ARHGAP44: variants seen among roughly 807,000 people sequenced by gnomAD.
The protein encoded by ARHGAP44 is rho GTPase-activating protein 44.
Under a neutral mutation model 106.8 loss-of-function variants are expected in ARHGAP44, and 43 were observed. The observed-to-expected ratio is 0.40, with a 90% CI of 0.32 to 0.52. ARHGAP44 has a LOEUF of 0.52. ARHGAP44 is among the 20% of genes least tolerant of loss of function. The pLI, the probability that ARHGAP44 is intolerant of heterozygous loss-of-function variation, is 0.48. For missense variants in ARHGAP44, 866 were observed against 1,050.5 expected (o/e 0.82, Z 2.43); for synonymous variants, 439 against 410.3 (o/e 1.07, Z -0.85).
intron 19 of ARHGAP44, 75 bp downstream of exon 19, chr17:12,980,308 C>T: frequency 6.8e-7 from 1 of 1,462,810 alleles, no homozygotes; most frequent in East Asian, 2.4e-5. Flanking sequence ...TCGTTTTCCT[C>T]TATGAACTTG....
In ARHGAP44 at chr17:12,896,417, G is replaced by T; in HGVS notation, c.104G>T (p.Arg35Leu). Residue 35 changes from arginine (R) to leucine (L), a missense_variant, in exon 3 of 21, where the codon CGT (arginine) becomes CTT (leucine). Transcript: ENST00000379672. ...LSEDLLQVEK[R>L]LELVKQVSHS... ...CTCTTCTCTCTGCAGGTGGAGAAGCGTCTGGAGCTGGTGAAACAGGTGTCC... is the reference window on the plus strand; with the variant it reads ...CTCTTCTCTCTGCAGGTGGAGAAGCTTCTGGAGCTGGTGAAACAGGTGTCC... The T allele has an allele frequency of 6.2e-7, 1 of 1,600,746 alleles. No individual in the cohort carries two copies. The highest frequency in any genetic ancestry group is 1.3e-5 in the African/African-American group (1 of 74,724).
At position 12,931,883 on chromosome 17, in the gene ARHGAP44, T is replaced by A. The variant is rs141362687; in HGVS notation, c.582+2837T>A. Among the ~76,000 whole-genome samples the A allele has an allele frequency of 7.1e-3, 1,020 of 143,958 alleles. 5 individuals carry two copies. Among genetic ancestry groups the A allele is most frequent in the Non-Finnish European group, 9.7e-3 (652 of 67,518 alleles). The allele number at this position is 143,958 out of a possible 152,430, so 94.4% of individuals were successfully genotyped here. On this transcript the variant is annotated intron_variant, in intron 7 of 20. Transcript: ENST00000379672. The stretch of plus-strand genomic sequence containing the variant: ...ACACACACACACACACACACACATA[T>A]CATGATTTATTTAGCTATTTTCCTA...
In ARHGAP44 at chr17:12,923,356, G is replaced by A. The variant is rs942403602; in HGVS notation, c.464+3525G>A. Among the ~76,000 whole-genome samples the A allele has an allele frequency of 4.6e-5, 7 of 152,136 alleles. No homozygotes were observed. The South Asian group carries it at 8.3e-4, about 18-fold the overall frequency. ...CTCCTGAGTAGCTGGGATTATGGGC[G>A]CCACCACACCCAGCTAATTTTTGTA... On this transcript the variant is annotated intron_variant, in intron 6 of 20. Coordinates refer to ENST00000379672, the MANE Select transcript of ARHGAP44 (RefSeq NM_014859.6).
intron 1 of ARHGAP44, among the ~76,000 whole-genome samples, chr17:12,889,578 A>G (rs1284790872): frequency 6.6e-6 from 1 of 152,188 alleles, no homozygotes; most frequent in Non-Finnish European, 1.5e-5. Context: ...CAGGAACTTC[A>G]GGAGACATAT....
chr17:12,916,065 A>G, intron 5 of ARHGAP44, 54 bp downstream of exon 5: 2 of 1,395,064 alleles, frequency 1.4e-6, no homozygotes, highest in Non-Finnish European at 2.0e-6. Context: ...ACCGAACAGG[A>G]GCCCCTCAAT....
intron 3 of ARHGAP44, among the ~76,000 whole-genome samples, chr17:12,900,496 T>A (rs1485603682): frequency 6.6e-6 from 1 of 152,184 alleles, no homozygotes; most frequent in Non-Finnish European, 1.5e-5. Context: ...CTTAATATAA[T>A]GAAGATGTTT....
At position 12,821,897 on chromosome 17, in the gene ARHGAP44, A is replaced by G. The variant is rs530743491; in HGVS notation, c.53+32006A>G. Among the ~76,000 whole-genome samples, 3 of 152,330 alleles carry G rather than the reference A, an allele frequency of 2.0e-5. No homozygotes were observed. In the South Asian group the frequency reaches 6.2e-4, roughly 32 times the overall value. ...AGTTATTGCTTTGATTTTGATTGGCATCTCCTAGGATTATTCTGACACTAC... is the reference window on the plus strand; with the variant it reads ...AGTTATTGCTTTGATTTTGATTGGCGTCTCCTAGGATTATTCTGACACTAC... On this transcript the variant is annotated intron_variant, in intron 1 of 20. Coordinates refer to ENST00000379672, the MANE Select transcript of ARHGAP44 (RefSeq NM_014859.6).
chr17:12,847,604 C>G (rs1252379707), intron 1 of ARHGAP44, among the ~76,000 whole-genome samples: 1 of 151,100 alleles, frequency 6.6e-6, no homozygotes, highest in Non-Finnish European at 1.5e-5. Context: ...AGCTCCGCCT[C>G]CTGGGTTCAC....
At chr17:12,930,186 C>T (rs2038357830) in intron 7 of ARHGAP44, among the ~76,000 whole-genome samples, 1 of 152,028 alleles carries the variant, frequency 6.6e-6, no homozygotes, top group South Asian at 2.1e-4. Context: ...CTCTTCTCTC[C>T]TTCCAATTTC....
At chr17:12,861,338 T>C (rs1190207117) in intron 1 of ARHGAP44, among the ~76,000 whole-genome samples, 2 of 152,282 alleles carry the variant, frequency 1.3e-5, no homozygotes, top group African/African-American at 4.8e-5. Context: ...TATCACAAAC[T>C]TAGTGACTTT....
intron 1 of ARHGAP44, among the ~76,000 whole-genome samples, chr17:12,838,224 C>T (rs771388931): frequency 2.0e-5 from 3 of 151,992 alleles, no homozygotes; most frequent in East Asian, 1.9e-4. Context: ...AGACCTGAAA[C>T]GATTTGTTTC....
intron 1 of ARHGAP44, among the ~76,000 whole-genome samples, chr17:12,797,386 A>G (rs2033956311): frequency 6.6e-6 from 1 of 152,200 alleles, no homozygotes; most frequent in Admixed American, 6.5e-5. Context: ...ATTCATACCC[A>G]CCATATTGAA....
chr17:12,850,289 A>G (rs998021430), intron 1 of ARHGAP44, among the ~76,000 whole-genome samples: 42 of 152,182 alleles, frequency 2.8e-4, no homozygotes, highest in Admixed American at 2.6e-3. Context: ...TAGTCACAAA[A>G]TGGTGTATAG....
At position 12,952,466 on chromosome 17, in the gene ARHGAP44, T is replaced by A. The variant is rs764534097; in HGVS notation, c.1056-35T>A. On this transcript the variant is annotated intron_variant, in intron 12 of 20. Coordinates refer to ENST00000379672, the MANE Select transcript of ARHGAP44 (RefSeq NM_014859.6). ...TTTCCGATGAGACTTTATTGATTCG[T>A]GCTCAACCAATGACCTTTCCTATCA... 23 of 1,473,812 alleles carry A rather than the reference T, an allele frequency of 1.6e-5. 1 individual carries two copies. Among genetic ancestry groups the A allele is most frequent in the African/African-American group, 1.4e-5 (1 of 71,644 alleles). 91.3% of individuals were successfully genotyped at this position (1,473,812 alleles called of 1,614,324 possible).
intron 1 of ARHGAP44, among the ~76,000 whole-genome samples, chr17:12,852,666 T>C (rs933926776): frequency 1.3e-5 from 2 of 151,480 alleles, no homozygotes; most frequent in Non-Finnish European, 2.9e-5. Context: ...CTCAGCCTCC[T>C]GAGTAGCTGG....
intron 1 of ARHGAP44, among the ~76,000 whole-genome samples, chr17:12,798,449 CAAT>C (rs1247840112): frequency 7.2e-5 from 11 of 152,184 alleles, no homozygotes; most frequent in Middle Eastern, 3.4e-3. Context: ...TGACATCACT[CAAT>C]AATTTATTCC....
chr17:12,805,569 T>TAAGACA (rs2034249550), intron 1 of ARHGAP44, among the ~76,000 whole-genome samples: 1 of 152,164 alleles, frequency 6.6e-6, no homozygotes, highest in Non-Finnish European at 1.5e-5. Context: ...GTATTGTCTT[T>TAAGACA]ATCTCCAAAG....
intron 1 of ARHGAP44, among the ~76,000 whole-genome samples, chr17:12,886,244 T>G (rs557301671): frequency 6.6e-6 from 1 of 152,296 alleles, no homozygotes; most frequent in South Asian, 2.1e-4. Context: ...CTACTTAATT[T>G]TATACTAAAT....
At position 12,990,144 on chromosome 17, in the gene ARHGAP44, G is replaced by A. The variant is rs561232646; in HGVS notation, c.2430G>A (p.Glu810=). The change falls in exon 21 of 21, where the codon GAG becomes GAA. Residue 810 remains glutamate (E), a synonymous_variant. Coordinates refer to ENST00000379672, the MANE Select transcript of ARHGAP44 (RefSeq NM_014859.6). ...RHSVTDKRDS[E]EESESTAL ...CAGTAACTGACAAGAGGGACTCGGA[G>A]GAGGAGTCTGAGAGCACCGCCCTCT... The A allele has an allele frequency of 5.0e-6, 8 of 1,613,076 alleles. No individual in the cohort carries two copies. The South Asian group carries it at 7.7e-5, about 15-fold the overall frequency.
Sources: allele counts gnomAD v4.1 joint callset (sites outside exome capture counted in the v4.1 genomes callset), GRCh38; gene constraint gnomAD v4.1.1; transcripts MANE v1.5; gene names NCBI Gene and HGNC (gene_info 2026-07-23, HGNC 2026-07-21).